The following CHRDL1 variants were observed in gnomAD, a reference collection of about 807,000 sequenced individuals.
The protein encoded by CHRDL1 is chordin-like protein 1.
CHRDL1 carries 19 observed loss-of-function variants against 40.9 expected under a neutral mutation model. The observed-to-expected ratio is 0.46, with a 90% CI of 0.32 to 0.68. The LOEUF (loss-of-function observed/expected upper bound fraction) is 0.68. Among genes scored for constraint, CHRDL1 ranks in the 30% least tolerant of loss-of-function variants. The pLI is 0.03. For missense variants in CHRDL1, 329 were observed against 352.1 expected (o/e 0.93, Z 0.53); for synonymous variants, 136 against 123.4 (o/e 1.10, Z -0.68).
intron 8 of CHRDL1, among the ~76,000 whole-genome samples, chrX:110,689,931 CTATATATATCTATATATCTA>C (rs2070218072): frequency 1.8e-4 from 2 of 11,015 alleles, no homozygotes; most frequent in Non-Finnish European, 2.9e-4. Flanking sequence ...ATCTATATAT[CTATATATATCTATATATCTA>C]TATATATCTA....
intron 4 of CHRDL1, among the ~76,000 whole-genome samples, chrX:110,729,762 A>G (rs944335809): frequency 1.8e-5 from 2 of 111,624 alleles, no homozygotes; most frequent in African/African-American, 6.5e-5. Flanking sequence ...TTTGGATTCA[A>G]ATTAAAGCTC....
At chrX:110,685,981 A>G (rs953229879) in intron 9 of CHRDL1, among the ~76,000 whole-genome samples, 6 of 104,805 alleles carry the variant, frequency 5.7e-5, no homozygotes, top group Non-Finnish European at 9.7e-5. Context: ...CATTGCTCCC[A>G]GGCAATGATC....
chrX:110,776,744 C>A (rs1428482400), intron 2 of CHRDL1, among the ~76,000 whole-genome samples: 2 of 110,226 alleles, frequency 1.8e-5, no homozygotes, highest in Non-Finnish European at 1.9e-5. Flanking sequence ...TTCCCATATA[C>A]CCCCTGTTAC....
At chrX:110,777,475 A>C (rs2089870834) in intron 2 of CHRDL1, among the ~76,000 whole-genome samples, 1 of 111,946 alleles carries the variant, frequency 8.9e-6, no homozygotes, top group Admixed American at 9.5e-5. Context: ...GCAATGATTG[A>C]AAATTCCTGT....
At chrX:110,760,532 G>T (rs747991957) in intron 3 of CHRDL1, among the ~76,000 whole-genome samples, 2 of 112,264 alleles carry the variant, frequency 1.8e-5, no homozygotes, top group African/African-American at 6.5e-5. Flanking sequence ...AAAATGCCTT[G>T]TGCTTGAGCT....
chrX:110,742,940 C>T (rs2071386671), intron 4 of CHRDL1, among the ~76,000 whole-genome samples: 2 of 112,032 alleles, frequency 1.8e-5, no homozygotes, highest in Non-Finnish European at 3.8e-5. Flanking sequence ...AGAGGAGGTA[C>T]AAAATTAAAT....
At chrX:110,773,361 T>G (rs1318130704) in intron 2 of CHRDL1, among the ~76,000 whole-genome samples, 1 of 112,231 alleles carries the variant, frequency 8.9e-6, no homozygotes, top group East Asian at 2.8e-4. Flanking sequence ...GTGTGGTTTT[T>G]AATCTCTAAA....
intron 7 of CHRDL1, among the ~76,000 whole-genome samples, chrX:110,696,073 G>C (rs1279987508): frequency 9.0e-6 from 1 of 111,382 alleles, no homozygotes; most frequent in Non-Finnish European, 1.9e-5. Context: ...TGTCCTTTTT[G>C]AAGTTTGGCA....
intron 4 of CHRDL1, among the ~76,000 whole-genome samples, chrX:110,723,647 G>A (rs1053233716): frequency 9.0e-6 from 1 of 111,586 alleles, no homozygotes; most frequent in Non-Finnish European, 1.9e-5. Flanking sequence ...CTATAATAAG[G>A]AAGGGACCAT....
chrX:110,729,778 C>T (rs747463175), intron 4 of CHRDL1, among the ~76,000 whole-genome samples: 1 of 111,760 alleles, frequency 8.9e-6, no homozygotes, highest in South Asian at 3.8e-4. Flanking sequence ...AGCTCCATTG[C>T]TAATTATTGC....
At chrX:110,760,290 G>A (rs939183941) in intron 3 of CHRDL1, among the ~76,000 whole-genome samples, 1 of 112,164 alleles carries the variant, frequency 8.9e-6, no homozygotes, top group Non-Finnish European at 1.9e-5. Context: ...GCTAGAGTTT[G>A]GAATTTAGCT....
intron 10 of CHRDL1, 92 bp downstream of exon 10, chrX:110,681,390 G>A: frequency 1.4e-6 from 1 of 722,634 alleles, no homozygotes; most frequent in Non-Finnish European, 2.1e-6. Context: ...TAATCCAAAT[G>A]AGGGAACAGG....
intron 9 of CHRDL1, 122 bp downstream of exon 9, chrX:110,688,472 T>C: frequency 1.9e-6 from 1 of 513,746 alleles, no homozygotes; most frequent in South Asian, 3.3e-5. Context: ...TGAAATTCAT[T>C]ATTATTAGAA....
chrX:110,771,144 C>CAAA (rs753915390), intron 2 of CHRDL1, among the ~76,000 whole-genome samples: 15 of 65,547 alleles, frequency 2.3e-4, no homozygotes, highest in African/African-American at 8.1e-4. Context: ...GACTCTGTCT[C>CAAA]AAAAAAAAAA....
At position 110,675,838 on chromosome X, in the gene CHRDL1, A is replaced by G. The variant is rs976052223; in HGVS notation, c.*393T>C. The stretch of plus-strand genomic sequence containing the variant: ...CTAAAATTCAAAGGTATAATTTCAT[A>G]CAAGTAATTGTTCTATACTGCAGAA... On this transcript the variant is annotated 3_prime_UTR_variant, in exon 12 of 12. Transcript: ENST00000372042. 3.3e-5 allele frequency: 4 copies of G among 121,131 alleles called. No homozygotes were observed. Among genetic ancestry groups the G allele is most frequent in the Non-Finnish European group, 5.0e-5 (3 of 59,867 alleles). The allele number at this position is 121,131 out of a possible 1,213,427, so 10.0% of individuals were successfully genotyped here.
chrX:110,697,359 T>A (rs953371564), intron 7 of CHRDL1, among the ~76,000 whole-genome samples: 4 of 110,636 alleles, frequency 3.6e-5, no homozygotes, highest in African/African-American at 1.3e-4. Context: ...TACTGTACTA[T>A]AGATTTTCAA....
At chrX:110,779,239 T>C (rs756171987) in intron 2 of CHRDL1, among the ~76,000 whole-genome samples, 78 of 111,160 alleles carry the variant, frequency 7.0e-4, no homozygotes, top group Admixed American at 7.0e-3. Context: ...CATGTATCCC[T>C]GAACCTAAAC....
At chrX:110,683,820 T>A (rs2069950940) in intron 9 of CHRDL1, among the ~76,000 whole-genome samples, 1 of 111,354 alleles carries the variant, frequency 9.0e-6, no homozygotes, top group Admixed American at 9.6e-5. Context: ...TGCCAGGTCG[T>A]TAAGGGGAGA....
At chrX:110,734,362 T>G (rs1238275361) in intron 4 of CHRDL1, among the ~76,000 whole-genome samples, 1 of 112,261 alleles carries the variant, frequency 8.9e-6, no homozygotes, top group African/African-American at 3.2e-5. Flanking sequence ...TACTTACTTG[T>G]GGAAGTTTCT....
Sources: allele counts gnomAD v4.1 joint callset (sites outside exome capture counted in the v4.1 genomes callset), GRCh38; gene constraint gnomAD v4.1.1; transcripts MANE v1.5; gene names NCBI Gene and HGNC (gene_info 2026-07-23, HGNC 2026-07-21).